RASL11A: variants seen among roughly 807,000 people sequenced by gnomAD.
RASL11A encodes the protein ras-like protein family member 11A.
A neutral mutation model predicts 17.1 loss-of-function variants in RASL11A; 14 were observed. The observed-to-expected ratio is 0.82, with a 90% CI of 0.54 to 1.28. RASL11A has a LOEUF of 1.28. Ranked by LOEUF, RASL11A falls within the 50% of genes most tolerant of loss-of-function variation. The pLI is 0.00. For missense variants in RASL11A, 283 were observed against 312.3 expected, an observed-to-expected ratio of 0.91 and a Z score of 0.71; for synonymous variants, 146 against 132.5, an observed-to-expected ratio of 1.10 and a Z score of -0.70.
intron 3 of RASL11A, among the ~76,000 whole-genome samples, chr13:27,272,420 A>G (rs1474749655): frequency 6.6e-6 from 1 of 152,212 alleles, no homozygotes; most frequent in African/African-American, 2.4e-5. Context: ...GGCATGAGCC[A>G]CAGCGCCCGG....
At position 27,274,382 on chromosome 13, in the gene RASL11A, A is replaced by T. The variant is rs1327470176; in HGVS notation, c.*888A>T. Among the ~76,000 whole-genome samples the T allele has an allele frequency of 6.6e-6, 1 of 152,184 alleles. No individual in the cohort carries two copies. The highest frequency in any genetic ancestry group is 6.5e-5 in the Admixed American group (1 of 15,280). On this transcript the variant is annotated 3_prime_UTR_variant, in exon 4 of 4. Transcript: ENST00000241463. ...ACCCTAATCATTTTATTTCTATAAAAAACCCAGCTGGTTTCCCCTTAGCTA... is the reference window on the plus strand; with the variant it reads ...ACCCTAATCATTTTATTTCTATAAATAACCCAGCTGGTTTCCCCTTAGCTA...
rs1167452465 is a variant in RASL11A at position 27,273,398 on chromosome 13, C to T, written c.633C>T (p.Ile211=). 6.2e-7 allele frequency: 1 copy of T among 1,614,238 alleles called. No homozygotes were observed. The highest frequency in any genetic ancestry group is 1.7e-5 in the Admixed American group (1 of 60,022). The change falls in exon 4 of 4, where the codon ATC becomes ATT. Residue 211 remains isoleucine, a synonymous_variant. Coordinates refer to ENST00000241463, the MANE Select transcript of RASL11A (RefSeq NM_206827.2). Reference sequence around the variant, plus strand: ...GTGGGGAAAGAAGAAGAGCCTCCATCATCCCTCGGCCCCGCTCTCCCAACA... The same window carrying T: ...GTGGGGAAAGAAGAAGAGCCTCCATTATCCCTCGGCCCCGCTCTCCCAACA... The part of the protein sequence containing the change: ...GLSGERRRAS[I]IPRPRSPNMQ...
In RASL11A at chr13:27,274,667, T is replaced by G. The variant is rs1257700478; in HGVS notation, c.*1173T>G. On this transcript the variant is annotated 3_prime_UTR_variant, in exon 4 of 4. Coordinates refer to ENST00000241463, the MANE Select transcript of RASL11A (RefSeq NM_206827.2). ...TCACATGCTATATTCAGCTCTGAAA[T>G]GCCTTCTCTGGTCTTCCTCTATTCC... Among the ~76,000 whole-genome samples the G allele has an allele frequency of 3.3e-5, 5 of 152,224 alleles. No individual in the cohort carries two copies. The highest frequency in any genetic ancestry group is 7.3e-5 in the Non-Finnish European group (5 of 68,038).
chr13:27,272,959 G>C (rs766759931), intron 3 of RASL11A, 68 bp from the exon 4 acceptor site: 41 of 1,275,398 alleles, frequency 3.2e-5, no homozygotes, highest in Non-Finnish European at 4.6e-5. Context: ...GGGTTGCCTT[G>C]ATGTTGTTTT....
At chr13:27,272,338 G>T (rs560855367) in intron 3 of RASL11A, among the ~76,000 whole-genome samples, 2 of 152,230 alleles carry the variant, frequency 1.3e-5, no homozygotes, top group South Asian at 4.1e-4. Flanking sequence ...TCACTATGTT[G>T]GCCAGGCTGG....
rs1373785951 is a variant in RASL11A, at chr13:27,273,453, G to T, written c.688G>T (p.Ala230Ser). The change falls in exon 4 of 4, where the codon GCT becomes TCT. Residue 230 changes from alanine to serine, a missense_variant. By Grantham distance (99) the Ala-to-Ser change is moderately conservative. Coordinates refer to ENST00000241463, the MANE Select transcript of RASL11A (RefSeq NM_206827.2). ...GGACCTGAAGAGACGCTTCAAGCAG[G>T]CTCTGTCTCCCAAAGTCAAAGCCCC... ...MQDLKRRFKQ[A>S]LSPKVKAPSA... 3.1e-6 allele frequency: 5 copies of T among 1,614,092 alleles called. No homozygotes were observed. The highest frequency in any genetic ancestry group is 1.3e-5 in the African/African-American group (1 of 75,038).
intron 3 of RASL11A, 112 bp from the exon 4 acceptor site, chr13:27,272,915 T>A (rs766881983): frequency 4.8e-6 from 4 of 828,838 alleles, no homozygotes; most frequent in Admixed American, 2.7e-5. Context: ...CTGAAAACTG[T>A]ATTTAGAGAT....
In RASL11A at chr13:27,270,887, C is replaced by T. The variant is rs1413364032; in HGVS notation, c.-58C>T. 1.2e-5 allele frequency: 18 copies of T among 1,540,524 alleles called. No individual in the cohort carries two copies. Among genetic ancestry groups the T allele is most frequent in the Non-Finnish European group, 1.5e-5 (17 of 1,142,498 alleles). ...CGCACTCCCAGCTGGCGAGCCGGCT[C>T]CGGGTGCGGCGAGGCCCAGCCCTCT... On this transcript the variant is annotated 5_prime_UTR_variant, in exon 1 of 4. Transcript: ENST00000241463.
rs1217729101 is a variant in RASL11A at position 27,271,476 on chromosome 13, C to T, written c.125-8C>T. 4 of 1,614,072 alleles carry T rather than the reference C, an allele frequency of 2.5e-6. No individual in the cohort carries two copies. The highest frequency in any genetic ancestry group is 2.2e-5 in the East Asian group (1 of 44,900). ...CTCCTTCGGTTGATTTTCCTATTTC[C>T]TTTTCAGCAATGATCGTGCGCTTCC... On this transcript the variant is annotated splice_polypyrimidine_tract_variant and splice_region_variant and intron_variant, in intron 1 of 3. Transcript: ENST00000241463.
rs188163286 is a variant in RASL11A, at chr13:27,273,267, G to A, written c.502G>A (p.Glu168Lys). 188 of 1,614,228 alleles carry A rather than the reference G, an allele frequency of 1.2e-4. 1 individual carries two copies. The highest frequency in any genetic ancestry group is 1.5e-4 in the Non-Finnish European group (175 of 1,180,042). The change falls in exon 4 of 4, where the codon GAG (glutamate) becomes AAG (lysine). Residue 168 changes from glutamate to lysine, a missense_variant. Coordinates refer to ENST00000241463, the MANE Select transcript of RASL11A (RefSeq NM_206827.2). ...QTQDGIQLAN[E>K]LGSLFLEIST... ...ACAGGACGGTATTCAGCTAGCCAAT[G>A]AGCTGGGCAGCCTGTTCCTTGAAAT...
At position 27,273,689 on chromosome 13, in the gene RASL11A, ACTTT is replaced by A. The variant is rs1882381181; in HGVS notation, c.*196_*199del. ...AATTTTGTTTTGTTTTATTAAAAGA[ACTTT>A]TTTTTTTTTTTTTTTTTTTTTTTTT... On this transcript the variant is annotated 3_prime_UTR_variant, in exon 4 of 4. Coordinates refer to ENST00000241463, the MANE Select transcript of RASL11A (RefSeq NM_206827.2). The A allele has an allele frequency of 1.0e-4, 27 of 261,132 alleles. No individual in the cohort carries two copies. The highest frequency in any genetic ancestry group is 1.8e-4 in the Admixed American group (3 of 16,666). 16.2% of individuals were successfully genotyped at this position (261,132 alleles called of 1,614,324 possible).
Position 27,270,931 on chromosome 13 carries a change from C to T in RASL11A, c.-14C>T. 3.2e-6 allele frequency: 5 copies of T among 1,582,356 alleles called. No homozygotes were observed. The highest frequency in any genetic ancestry group is 1.8e-5 in the Admixed American group (1 of 56,676). ...GCCCTCTCGGATTGCGCGCCGGACC[C>T]CGGGACGCGCTCCATGCGGCCGCTC... is the stretch of plus-strand genomic sequence containing the variant. On this transcript the variant is annotated 5_prime_UTR_variant, in exon 1 of 4. Transcript: ENST00000241463.
chr13:27,271,571 T>G (rs369238238), intron 2 of RASL11A, 31 bp downstream of exon 2: 3 of 1,613,584 alleles, frequency 1.9e-6, no homozygotes, highest in Non-Finnish European at 1.7e-6. Flanking sequence ...CCTGCTTTTA[T>G]GCTTGCGTGT....
At chr13:27,271,411 C>T in intron 1 of RASL11A, 73 bp from the exon 2 acceptor site, 3 of 1,585,772 alleles carry the variant, frequency 1.9e-6, no homozygotes, top group African/African-American at 1.3e-5. Flanking sequence ...TCACTCCCCC[C>T]AGTTTGTCCG....
chr13:27,272,749 T>G (rs188720669), intron 3 of RASL11A, among the ~76,000 whole-genome samples: 115 of 152,326 alleles, frequency 7.5e-4, no homozygotes, highest in Non-Finnish European at 1.3e-3. Context: ...GAGGTCATTC[T>G]TCAGTCAGCC....
chr13:27,270,884 G>A lies in RASL11A; in HGVS notation c.-61G>A, dbSNP rs938416975. ...TCCCGCACTCCCAGCTGGCGAGCCG[G>A]CTCCGGGTGCGGCGAGGCCCAGCCC... On this transcript the variant is annotated 5_prime_UTR_variant, in exon 1 of 4. Coordinates refer to ENST00000241463, the MANE Select transcript of RASL11A (RefSeq NM_206827.2). The A allele has an allele frequency of 1.9e-6, 3 of 1,538,866 alleles. No homozygotes were observed. The highest frequency in any genetic ancestry group is 2.8e-5 in the African/African-American group (2 of 71,790).
chr13:27,273,134 C>T lies in RASL11A; in HGVS notation c.369C>T (p.Ser123=), dbSNP rs35075949. 1.3e-3 allele frequency: 2,056 copies of T among 1,614,186 alleles called. 20 individuals are homozygous for T. In the African/African-American group the frequency reaches 0.025, roughly 19 times the overall value. The change falls in exon 4 of 4, where the codon TCC becomes TCT. Residue 123 remains serine (S), a synonymous_variant. Transcript: ENST00000241463. ...YSITDYDSYL[S]IRPLYQHIRK... Reference sequence around the variant, plus strand: ...TCACAGACTATGACAGCTACTTGTCCATCCGACCCCTTTATCAGCACATCC... The same window carrying T: ...TCACAGACTATGACAGCTACTTGTCTATCCGACCCCTTTATCAGCACATCC...
chr13:27,270,849 G>C lies in RASL11A; in HGVS notation c.-96G>C. 1 of 1,483,082 alleles carries C rather than the reference G, an allele frequency of 6.7e-7. No homozygotes were observed. Among genetic ancestry groups the C allele is most frequent in the Non-Finnish European group, 9.1e-7 (1 of 1,104,950 alleles). 91.9% of individuals were successfully genotyped at this position (1,483,082 alleles called of 1,614,324 possible). ...TTCTGCAGGCAGCCGCCGCGGTCCC[G>C]GACCTCTAGTCCCGCACTCCCAGCT... On this transcript the variant is annotated 5_prime_UTR_variant, in exon 1 of 4. Transcript: ENST00000241463.
At chr13:27,272,547 T>C (rs770386363) in intron 3 of RASL11A, among the ~76,000 whole-genome samples, 4 of 152,234 alleles carry the variant, frequency 2.6e-5, no homozygotes, top group Non-Finnish European at 5.9e-5. Context: ...CAGTTACTAA[T>C]TGCTACTCCG....
Sources: allele counts gnomAD v4.1 joint callset (sites outside exome capture counted in the v4.1 genomes callset), GRCh38; gene constraint gnomAD v4.1.1; transcripts MANE v1.5; gene names NCBI Gene and HGNC (gene_info 2026-07-23, HGNC 2026-07-21).